Variants in CRIM1 observed in about 807,000 individuals in gnomAD.
CRIM1 encodes the protein cysteine rich transmembrane BMP regulator 1.
In CRIM1, 32 loss-of-function variants were observed where a neutral mutation model predicts 116.4. The ratio of observed to expected loss-of-function variants is 0.27; its 90% CI spans 0.21 to 0.37. The LOEUF is 0.37. Ranked by LOEUF, CRIM1 falls within the 10% of genes least tolerant of loss-of-function variation. CRIM1 has a pLI of 1.00. For missense variants in CRIM1, 1,331 were observed against 1,354.8 expected (o/e 0.98, Z 0.28); for synonymous variants, 590 against 509.2 (o/e 1.16, Z -2.13).
rs115290334 is a variant in CRIM1 at position 36,459,197 on chromosome 2, C to G, written c.870-5337C>G. Among the ~76,000 whole-genome samples, 642 of 152,200 alleles carry G rather than the reference C, an allele frequency of 4.2e-3. 4 individuals are homozygous for G. Among genetic ancestry groups the G allele is most frequent in the Non-Finnish European group, 6.4e-3 (438 of 68,022 alleles). ...GATTGCAAATTCCCATCAGCAGACT[C>G]TCCTGGAGAGCCTATTATATGGGCA... On this transcript the variant is annotated intron_variant, in intron 4 of 16. Transcript: ENST00000280527.
intron 2 of CRIM1, among the ~76,000 whole-genome samples, chr2:36,437,397 A>G (rs1243812576): frequency 6.6e-6 from 1 of 150,426 alleles, no homozygotes; most frequent in East Asian, 2.0e-4. Context: ...AGTTAGTGTA[A>G]CTTTGAAACT....
At chr2:36,463,183 G>T (rs1308377959) in intron 4 of CRIM1, among the ~76,000 whole-genome samples, 1 of 152,184 alleles carries the variant, frequency 6.6e-6, no homozygotes, top group African/African-American at 2.4e-5. Context: ...GGCTTTAATA[G>T]TCCTTGATGC....
intron 2 of CRIM1, among the ~76,000 whole-genome samples, chr2:36,434,081 A>AT (rs1255974841): frequency 4.6e-5 from 7 of 152,238 alleles, no homozygotes; most frequent in African/African-American, 1.7e-4. Flanking sequence ...TTATGATAAA[A>AT]TCATGGAATG....
chr2:36,370,802 C>T (rs1403564003), intron 1 of CRIM1, among the ~76,000 whole-genome samples: 1 of 152,060 alleles, frequency 6.6e-6, no homozygotes, highest in Non-Finnish European at 1.5e-5. Context: ...TTAGAGGGGA[C>T]ATATTTCATA....
intron 5 of CRIM1, among the ~76,000 whole-genome samples, chr2:36,465,349 C>T (rs941914328): frequency 1.3e-5 from 2 of 152,196 alleles, no homozygotes; most frequent in Admixed American, 6.5e-5. Flanking sequence ...CTGCAACATG[C>T]TTCTCTACCA....
intron 13 of CRIM1, among the ~76,000 whole-genome samples, chr2:36,525,400 C>T (rs949116777): frequency 6.6e-6 from 1 of 152,156 alleles, no homozygotes; most frequent in East Asian, 1.9e-4. Flanking sequence ...AGCTTGGTCC[C>T]TATATAAGGG....
chr2:36,514,317 A>G (rs1341607437), intron 11 of CRIM1, among the ~76,000 whole-genome samples: 2 of 152,238 alleles, frequency 1.3e-5, no homozygotes, highest in Non-Finnish European at 2.9e-5. Flanking sequence ...AATCAGGATA[A>G]GTTACTAGAA....
At chr2:36,543,906 G>A (rs1667133331) in intron 14 of CRIM1, among the ~76,000 whole-genome samples, 1 of 152,160 alleles carries the variant, frequency 6.6e-6, no homozygotes, top group African/African-American at 2.4e-5. Flanking sequence ...TAGGGGAAGA[G>A]AAAGGAGAGG....
At chr2:36,483,226 G>A (rs896699358) in intron 7 of CRIM1, among the ~76,000 whole-genome samples, 12 of 152,108 alleles carry the variant, frequency 7.9e-5, no homozygotes, top group African/African-American at 2.4e-4. Flanking sequence ...GGGTGGAAAC[G>A]TGTGGAATAG....
intron 13 of CRIM1, chr2:36,529,384 T>C: frequency 4.5e-6 from 1 of 220,918 alleles, no homozygotes; most frequent in South Asian, 6.7e-5. Flanking sequence ...ACCCCGACTT[T>C]TACATGGATT....
intron 1 of CRIM1, among the ~76,000 whole-genome samples, chr2:36,385,067 C>T (rs1344106529): frequency 1.4e-5 from 2 of 145,814 alleles, no homozygotes; most frequent in East Asian, 4.0e-4. Context: ...TAAGACCAAA[C>T]ACAATCTTGC....
intron 4 of CRIM1, among the ~76,000 whole-genome samples, chr2:36,455,967 A>T (rs529422327): frequency 1.8e-4 from 27 of 152,174 alleles, no homozygotes; most frequent in East Asian, 7.7e-4. Flanking sequence ...AGAGGCTGGG[A>T]ATTGACTGCC....
In CRIM1 at chr2:36,367,128, G is replaced by A. The variant is rs189739366; in HGVS notation, c.331+10505G>A. 3.2e-3 allele frequency among the ~76,000 whole-genome samples: 486 copies of A among 152,320 alleles called. 5 individuals carry two copies. In the Middle Eastern group the frequency reaches 0.068, roughly 21 times the overall value. On this transcript the variant is annotated intron_variant, in intron 1 of 16. Transcript: ENST00000280527. ...ATTTTAGACAGTTTTGTCTGTGGAA[G>A]TCAAAGTAGAAGGATTTTTAAACAG...
intron 1 of CRIM1, among the ~76,000 whole-genome samples, chr2:36,371,988 C>T (rs985945575): frequency 6.6e-6 from 1 of 152,134 alleles, no homozygotes; most frequent in African/African-American, 2.4e-5. Context: ...TCTTAACAAA[C>T]ATTTATGTTG....
chr2:36,535,285 A>G (rs528312628), intron 13 of CRIM1, among the ~76,000 whole-genome samples: 101 of 152,260 alleles, frequency 6.6e-4, no homozygotes, highest in African/African-American at 2.3e-3. Flanking sequence ...TACTTAAATT[A>G]GGCATCATTG....
chr2:36,534,758 AAGAAT>A (rs1329400327), intron 13 of CRIM1, among the ~76,000 whole-genome samples: 1 of 151,944 alleles, frequency 6.6e-6, no homozygotes, highest in Non-Finnish European at 1.5e-5. Context: ...AGAAAAAAAA[AAGAAT>A]ATAGACAGTA....
intron 2 of CRIM1, among the ~76,000 whole-genome samples, chr2:36,422,455 A>G (rs1010574975): frequency 2.0e-5 from 3 of 152,152 alleles, no homozygotes; most frequent in African/African-American, 7.2e-5. Flanking sequence ...TGAATATCCA[A>G]GATTGGATTC....
intron 1 of CRIM1, among the ~76,000 whole-genome samples, chr2:36,357,525 C>T (rs1174570052): frequency 6.6e-6 from 1 of 152,018 alleles, no homozygotes. Context: ...AATGTTAGTG[C>T]GTGTTGGCTT....
chr2:36,380,777 C>A (rs114037360), intron 1 of CRIM1, among the ~76,000 whole-genome samples: 1 of 152,184 alleles, frequency 6.6e-6, no homozygotes, highest in Admixed American at 6.5e-5. Flanking sequence ...TGTTGCCACA[C>A]CAGGAATCAG....
Sources: gnomAD v4.1 joint callset for allele counts (sites outside exome capture counted in the v4.1 genomes callset) on GRCh38, gnomAD v4.1.1 for gene constraint, MANE v1.5 for transcripts, NCBI Gene and HGNC (gene_info 2026-07-23, HGNC 2026-07-21) for gene names.